NCOR2: variants seen among roughly 807,000 people sequenced by gnomAD.
NCOR2 encodes the protein nuclear receptor corepressor 2.
In NCOR2, 81 loss-of-function variants were observed where a neutral mutation model predicts 262.9. The ratio of observed to expected loss-of-function variants is 0.31; its 90% CI spans 0.26 to 0.37. NCOR2 has a LOEUF of 0.37. NCOR2 is among the 10% of genes least tolerant of loss of function. The pLI is 1.00. For missense variants in NCOR2, 3,385 were observed against 3,621.4 expected (o/e 0.93, Z 1.68); for synonymous variants, 1,659 against 1,559.3 (o/e 1.06, Z -1.51).
Position 124,342,085 on chromosome 12 carries a change from G to A in NCOR2, c.4937-11C>T. On this transcript the variant is annotated splice_polypyrimidine_tract_variant and intron_variant, in intron 33 of 46. Transcript: ENST00000405201. ...GGTAGTAGGCAGCGGCTGCGGGGCA[G>A]AGGGGAGCTCATGTGAGGCCAGCCA... is the stretch of plus-strand genomic sequence containing the variant. 6.2e-7 allele frequency: 1 copy of A among 1,600,410 alleles called. No homozygotes were observed. Among genetic ancestry groups the A allele is most frequent in the Non-Finnish European group, 8.5e-7 (1 of 1,173,322 alleles).
At chr12:124,426,852 C>G in intron 10 of NCOR2, 52 bp from the exon 13 acceptor site, 2 of 1,492,932 alleles carry the variant, frequency 1.3e-6, no homozygotes, top group Non-Finnish European at 1.8e-6. Context: ...GGTGCTCCGG[C>G]CGGCGCAGGG....
intron 20 of NCOR2, among the ~76,000 whole-genome samples, chr12:124,368,291 G>A (rs1183106158): frequency 1.3e-5 from 2 of 152,228 alleles, no homozygotes; most frequent in African/African-American, 2.4e-5. Flanking sequence ...GGCACGAGAG[G>A]GGGAATAAGG....
At chr12:124,400,476 C>T in intron 15 of NCOR2, 25 bp downstream of exon 17, 1 of 1,604,920 alleles carries the variant, frequency 6.2e-7, no homozygotes. Context: ...CCCTTCCCCA[C>T]CCGCATCCCT....
In NCOR2 at chr12:124,352,282, C is replaced by T. The variant is rs574207808; in HGVS notation, c.3694-1545G>A. 8.5e-5 allele frequency among the ~76,000 whole-genome samples: 13 copies of T among 152,226 alleles called. No homozygotes were observed. In the East Asian group the frequency reaches 2.5e-3, roughly 29 times the overall value. ...AGCCCTAACATCAGATGGTCCATGT[C>T]AGAACTGGGTTTGTACTGCAGAAAT... On this transcript the variant is annotated intron_variant, in intron 27 of 46. Coordinates refer to ENST00000405201, the Ensembl canonical transcript of NCOR2.
chr12:124,429,507 C>G lies in NCOR2; in HGVS notation c.1149+106G>C, dbSNP rs764327012. 415 of 1,245,100 alleles carry G rather than the reference C, an allele frequency of 3.3e-4. 1 individual carries two copies. The highest frequency in any genetic ancestry group is 4.2e-4 in the Non-Finnish European group (370 of 879,694). The allele number at this position is 1,245,100 out of a possible 1,614,324, so 77.1% of individuals were successfully genotyped here. The stretch of plus-strand genomic sequence containing the variant: ...CCACCCGCGCTTCGGTGGCAAAGCC[C>G]CTCGACGTAAACCACCCGGGAGGTG... On this transcript the variant is annotated intron_variant, in intron 10 of 46. Transcript: ENST00000405201.
chr12:124,517,752 G>A lies in NCOR2; in HGVS notation c.-118+17813C>T, dbSNP rs923079373. ...AGTGCCCACCCGGGTCCCCTCCCAC[G>A]CGGGCCGGCCAAGAAGCCTCACCCC... On this transcript the variant is annotated intron_variant, in intron 1 of 46. Transcript: ENST00000404621. The surrounding 1 kb of genome is among the most constrained non-coding windows in gnomAD (Gnocchi z 7.6). 6.6e-6 allele frequency among the ~76,000 whole-genome samples: 1 copy of A among 152,166 alleles called. No homozygotes were observed. Among genetic ancestry groups the A allele is most frequent in the Admixed American group, 6.5e-5 (1 of 15,290 alleles).
At chr12:124,344,361 A>C (rs910787248) in intron 32 of NCOR2, among the ~76,000 whole-genome samples, 2 of 152,174 alleles carry the variant, frequency 1.3e-5, no homozygotes, top group African/African-American at 4.8e-5. Flanking sequence ...TACAGCAGGA[A>C]GAGGGAGGGG....
chr12:124,357,108 TC>T (rs2038013717), intron 22 of NCOR2, among the ~76,000 whole-genome samples: 2 of 152,232 alleles, frequency 1.3e-5, no homozygotes, highest in African/African-American at 4.8e-5. Flanking sequence ...TGGACAGGCC[TC>T]TAAGCCAGGA....
chr12:124,328,215 G>A (rs1450952797), intron 44 of NCOR2, among the ~76,000 whole-genome samples: 1 of 151,986 alleles, frequency 6.6e-6, no homozygotes, highest in Non-Finnish European at 1.5e-5. Context: ...GATGGGACGT[G>A]CAGCCCCGTA....
At chr12:124,377,089 G>A (rs1410698535) in intron 18 of NCOR2, among the ~76,000 whole-genome samples, 1 of 152,200 alleles carries the variant, frequency 6.6e-6, no homozygotes, top group Non-Finnish European at 1.5e-5. Context: ...GCCAGGTGTC[G>A]GCAGCCCGTG....
chr12:124,498,330 C>T (rs77758306), upstream of NCOR2, among the ~76,000 whole-genome samples: 833 of 152,286 alleles, frequency 5.5e-3, 9 homozygotes, highest in African/African-American at 0.019. Flanking sequence ...TAAAGTGCCC[C>T]GCAGCTGGCT....
exon 45 of NCOR2, chr12:124,327,465 G>A (rs771941750): frequency 6.2e-7 from 1 of 1,613,334 alleles, no homozygotes; most frequent in Admixed American, 1.7e-5. Context: ...GGGCATAGCA[G>A]CGGGCAGGCT....
At chr12:124,327,284 G>A (rs1298174650) in intron 45 of NCOR2, 125 bp downstream of exon 47, 17 of 783,950 alleles carry the variant, frequency 2.2e-5, no homozygotes, top group Non-Finnish European at 2.8e-5. Flanking sequence ...GGTCAAACAC[G>A]CACAAAAATA....
At chr12:124,433,890 A>ACG (rs2044165089) in intron 8 of NCOR2, among the ~76,000 whole-genome samples, 1 of 124,418 alleles carries the variant, frequency 8.0e-6, no homozygotes, top group Non-Finnish European at 1.6e-5. Context: ...ACACACACAC[A>ACG]CACACACACG....
chr12:124,351,466 T>C lies in NCOR2; in HGVS notation c.3694-729A>G, dbSNP rs375817176. On this transcript the variant is annotated intron_variant, in intron 27 of 46. Coordinates refer to ENST00000405201, the Ensembl canonical transcript of NCOR2. ...AAGCCAGGAGTACACGCCTCCCCAG[T>C]GTGTCCCCCACCAAGTTAGGACAAT... Among the ~76,000 whole-genome samples the C allele has an allele frequency of 2.0e-4, 31 of 152,230 alleles. No individual in the cohort carries two copies. The East Asian group carries it at 5.4e-3, about 27-fold the overall frequency.
exon 33 of NCOR2, chr12:124,343,187 A>C: frequency 6.2e-7 from 1 of 1,609,022 alleles, no homozygotes; most frequent in Non-Finnish European, 8.5e-7. Context: ...CGTCGACGTC[A>C]GCTTTCGGTC....
intron 32 of NCOR2, 28 bp from the exon 35 acceptor site, chr12:124,343,254 G>C: frequency 6.3e-7 from 1 of 1,589,920 alleles, no homozygotes. Context: ...GGATGCATCG[G>C]GCCTCTGGGG....
intron 27 of NCOR2, among the ~76,000 whole-genome samples, chr12:124,353,003 C>T (rs562296306): frequency 1.3e-5 from 2 of 152,342 alleles, no homozygotes; most frequent in South Asian, 2.1e-4. Context: ...GCAGGCCACA[C>T]GCTGACTTCC....
Position 124,336,986 on chromosome 12 carries a change from G to A in NCOR2, c.5882C>T (p.Pro1961Leu), listed in dbSNP as rs924122482. Residue 1961 changes from proline (P) to leucine (L), a missense_variant, in exon 38 of 47, where the codon CCA becomes CTA. By Grantham distance (98) the Pro-to-Leu change is moderately conservative. This residue lies in a region of NCOR2 where 1,017 missense variants were observed against 967.2 expected (regional missense o/e 1.05). Coordinates refer to ENST00000405201, the Ensembl canonical transcript of NCOR2. Reference sequence around the variant, plus strand: ...GGCGGGCTCCAGCCCGGAGCGGGCTGGGGGCTTGGCGAGGAAGGCATGGCC... The same window carrying A: ...GGCGGGCTCCAGCCCGGAGCGGGCTAGGGGCTTGGCGAGGAAGGCATGGCC... 7.9e-6 allele frequency: 12 copies of A among 1,512,616 alleles called. No individual in the cohort carries two copies. The African/African-American group carries it at 1.4e-4, about 18-fold the overall frequency. 93.7% of individuals were successfully genotyped at this position (1,512,616 alleles called of 1,614,324 possible). A position where few individuals can be genotyped will look rare whatever the true frequency, so the allele number is the denominator to read the frequency against.
Sources: allele counts gnomAD v4.1 joint callset (sites outside exome capture counted in the v4.1 genomes callset), GRCh38; gene constraint gnomAD v4.1.1; regional missense constraint gnomAD v4.1.1; non-coding constraint Gnocchi (gnomAD v3.1); transcripts MANE v1.5; gene names NCBI Gene and HGNC (gene_info 2026-07-23, HGNC 2026-07-21).